The following SSH2 variants were observed in gnomAD, a reference collection of about 807,000 sequenced individuals.
SSH2 encodes the protein protein phosphatase Slingshot homolog 2.
A neutral mutation model predicts 135.2 loss-of-function variants in SSH2; 37 were observed. The observed-to-expected ratio is 0.27, with a 90% confidence interval of 0.21 to 0.36. The LOEUF (loss-of-function observed/expected upper bound fraction) is 0.36, where lower values mean the gene tolerates loss of function less well. Ranked by LOEUF, SSH2 falls within the 10% of genes least tolerant of loss-of-function variation. The pLI is 1.00. For missense variants in SSH2, 1,408 were observed against 1,765.3 expected, an observed-to-expected ratio of 0.80 and a Z score of 3.63; for synonymous variants, 628 against 646.2, an observed-to-expected ratio of 0.97 and a Z score of 0.43.
At chr17:29,781,107 G>A (rs907704070) in intron 3 of SSH2, among the ~76,000 whole-genome samples, 1 of 152,044 alleles carries the variant, frequency 6.6e-6, no homozygotes, top group African/African-American at 2.4e-5. Context: ...CACGGCGCCC[G>A]GCCTTTTTCT....
intron 4 of SSH2, among the ~76,000 whole-genome samples, chr17:29,701,515 C>A (rs767489034): frequency 6.6e-6 from 1 of 150,762 alleles, no homozygotes. Flanking sequence ...GCTCAAGTGA[C>A]CCTCCCACCT....
intron 5 of SSH2, among the ~76,000 whole-genome samples, chr17:29,691,500 T>G (rs1051968806): frequency 2.0e-4 from 31 of 151,946 alleles, no homozygotes; most frequent in Non-Finnish European, 3.1e-4. Context: ...TCTCTCTTTT[T>G]TTTTTTTTGA....
intron 3 of SSH2, among the ~76,000 whole-genome samples, chr17:29,722,655 A>AT (rs1208009222): frequency 6.6e-6 from 1 of 152,108 alleles, no homozygotes; most frequent in Admixed American, 6.5e-5. Context: ...ATTGTGGGTG[A>AT]TTTTTTTCTT....
At chr17:29,887,786 A>G (rs2066268193) in intron 1 of SSH2, among the ~76,000 whole-genome samples, 1 of 152,234 alleles carries the variant, frequency 6.6e-6, no homozygotes, top group African/African-American at 2.4e-5. Context: ...GAATGCTATT[A>G]CTAAATACTA....
rs77917654 is a variant in SSH2 at position 29,847,090 on chromosome 17, T to C, written c.144+1759A>G. On this transcript the variant is annotated intron_variant, in intron 2 of 15. Coordinates refer to ENST00000540801, the MANE Select transcript of SSH2 (RefSeq NM_001282129.2). ...AAAAAATGTCCAAGTGGGAAAAAGG[T>C]TTGCTATGTTTCTAAACTTCAGTTT... Among the ~76,000 whole-genome samples the C allele has an allele frequency of 6.4e-3, 976 of 152,290 alleles. 6 individuals are homozygous for C. Among genetic ancestry groups the C allele is most frequent in the Non-Finnish European group, 0.011 (754 of 68,016 alleles).
intron 2 of SSH2, among the ~76,000 whole-genome samples, chr17:29,812,161 CTTT>C (rs748811941): frequency 8.2e-6 from 1 of 121,608 alleles, no homozygotes; most frequent in Non-Finnish European, 1.8e-5. Flanking sequence ...AGTATGTGTT[CTTT>C]TTTTTTTTTT....
chr17:29,837,847 T>TG (rs1358079809), intron 2 of SSH2, among the ~76,000 whole-genome samples: 1 of 152,142 alleles, frequency 6.6e-6, no homozygotes, highest in Non-Finnish European at 1.5e-5. Context: ...TCCATGGAGC[T>TG]GGGGGGAGCT....
chr17:29,842,268 A>G (rs1048414526), intron 2 of SSH2, among the ~76,000 whole-genome samples: 1 of 151,956 alleles, frequency 6.6e-6, no homozygotes, highest in African/African-American at 2.4e-5. Context: ...AGCCTGGCTA[A>G]CATGACGAAA....
chr17:29,628,079 A>AAG lies in SSH2; in HGVS notation c.*2760_*2761dup, dbSNP rs3840872. On this transcript the variant is annotated 3_prime_UTR_variant, in exon 16 of 16. Transcript: ENST00000540801. Reference sequence around the variant, plus strand: ...GGAAAGATGCCACTGGAGATTATAAAAGTCTGAAGAGAAGACAGTCTGGAA... The same window carrying AAG: ...GGAAAGATGCCACTGGAGATTATAAAAGAGTCTGAAGAGAAGACAGTCTGGAA... 0.57 allele frequency: 87,071 copies of AAG among 151,718 alleles called. 27,707 individuals are homozygous for AAG. The highest frequency in any genetic ancestry group is 0.86 in the African/African-American group (35,765 of 41,354). 9.4% of individuals were successfully genotyped at this position (151,718 alleles called of 1,614,324 possible). A position where few individuals can be genotyped will look rare whatever the true frequency, so the allele number is the denominator to read the frequency against.
At chr17:29,729,562 G>A (rs951000673) in intron 3 of SSH2, among the ~76,000 whole-genome samples, 9 of 152,146 alleles carry the variant, frequency 5.9e-5, no homozygotes, top group African/African-American at 2.2e-4. Flanking sequence ...AAGGAAATCA[G>A]TATAAAAAGA....
chr17:29,761,035 G>T (rs1054875185), intron 3 of SSH2: 2 of 1,118,526 alleles, frequency 1.8e-6, no homozygotes, highest in African/African-American at 3.3e-5. Context: ...AGGCAAGCAG[G>T]ATGCGCGCTC....
chr17:29,811,507 C>T (rs922222507), intron 2 of SSH2, among the ~76,000 whole-genome samples: 27 of 151,690 alleles, frequency 1.8e-4, no homozygotes, highest in Non-Finnish European at 2.6e-4. Flanking sequence ...ATTGAAGTTA[C>T]GTAAACAAGT....
intron 11 of SSH2, among the ~76,000 whole-genome samples, chr17:29,662,876 A>G (rs1322777047): frequency 6.6e-6 from 1 of 152,166 alleles, no homozygotes; most frequent in Non-Finnish European, 1.5e-5. Flanking sequence ...TAAAAGTTCT[A>G]TTTTTCAAAT....
At chr17:29,766,140 A>G (rs141026735) in intron 3 of SSH2, among the ~76,000 whole-genome samples, 2,591 of 152,192 alleles carry the variant, frequency 0.017, 33 homozygotes, top group Middle Eastern at 0.054. Flanking sequence ...TTTCAATAAT[A>G]GAAAGCTAAT....
rs2035593360 is a variant in SSH2, at chr17:29,629,651, A to G, written c.*1190T>C. The G allele has an allele frequency of 6.5e-6, 1 of 152,708 alleles. No homozygotes were observed. Among genetic ancestry groups the G allele is most frequent in the Non-Finnish European group, 1.5e-5 (1 of 68,050 alleles). The allele number at this position is 152,708 out of a possible 1,614,324, so 9.5% of individuals were successfully genotyped here. On this transcript the variant is annotated 3_prime_UTR_variant, in exon 16 of 16. Transcript: ENST00000540801. ...AACAAGACACTAAGACAGTGACAAT[A>G]TTATGTACATAAATACTGTGTACAA... is the stretch of plus-strand genomic sequence containing the variant.
intron 2 of SSH2, among the ~76,000 whole-genome samples, chr17:29,796,363 C>T (rs529046805): frequency 2.0e-5 from 3 of 152,034 alleles, no homozygotes; most frequent in Non-Finnish European, 4.4e-5. Flanking sequence ...TTTTTTGAGA[C>T]GGAGTCTCGC....
intron 3 of SSH2, among the ~76,000 whole-genome samples, chr17:29,789,915 A>G (rs1313020676): frequency 6.6e-6 from 1 of 152,126 alleles, no homozygotes; most frequent in Non-Finnish European, 1.5e-5. Flanking sequence ...TTACCTCACC[A>G]TGGTATTTTG....
intron 1 of SSH2, among the ~76,000 whole-genome samples, chr17:29,873,822 AT>A (rs1380325070): frequency 1.3e-5 from 2 of 152,230 alleles, no homozygotes; most frequent in African/African-American, 2.4e-5. Flanking sequence ...AGAAATTGCT[AT>A]CAGTGACTGA....
At chr17:29,928,436 C>G in intron 1 of SSH2, 2 of 398,186 alleles carry the variant, frequency 5.0e-6, no homozygotes, top group Non-Finnish European at 8.9e-6. Context: ...TATACCACCT[C>G]CCAGGCAAAA....
Sources: gnomAD v4.1 joint callset for allele counts (sites outside exome capture counted in the v4.1 genomes callset) on GRCh38, gnomAD v4.1.1 for gene constraint, MANE v1.5 for transcripts, NCBI Gene and HGNC (gene_info 2026-07-23, HGNC 2026-07-21) for gene names.